Variants in POMT2 observed in about 807,000 individuals in gnomAD.
POMT2 encodes protein O-mannosyltransferase 2.
A neutral mutation model predicts 100.0 loss-of-function variants in POMT2; 75 were observed. The ratio of observed to expected loss-of-function variants is 0.75; its 90% confidence interval spans 0.62 to 0.91. POMT2 has a LOEUF of 0.91. POMT2 is among the 40% of genes least tolerant of loss of function. The probability of loss-of-function intolerance (pLI) is 0.00; values close to 1 mark genes in which losing one functional copy is unlikely to be tolerated. For synonymous variants in POMT2, 378 were observed against 374.1 expected (o/e 1.01, Z -0.12); for missense variants, 940 against 955.1 (o/e 0.98, Z 0.21).
At chr14:77,303,603 A>G (rs1026337243) in intron 4 of POMT2, among the ~76,000 whole-genome samples, 2 of 152,104 alleles carry the variant, frequency 1.3e-5, no homozygotes, top group African/African-American at 4.8e-5. Flanking sequence ...CCAGAACTAC[A>G]GTACATGCAC....
At chr14:77,293,751 C>T (rs1190013287) in intron 9 of POMT2, among the ~76,000 whole-genome samples, 1 of 152,190 alleles carries the variant, frequency 6.6e-6, no homozygotes. Context: ...ATGCACTTTC[C>T]CTATACCACC....
chr14:77,304,932 G>A (rs1891173285), intron 3 of POMT2, 132 bp from the exon 4 acceptor site: 4 of 1,446,422 alleles, frequency 2.8e-6, no homozygotes, highest in Non-Finnish European at 3.8e-6. Flanking sequence ...AAGTCACCTA[G>A]GATATCTATA....
intron 15 of POMT2, 124 bp from the exon 16 acceptor site, chr14:77,280,587 C>T: frequency 6.5e-7 from 1 of 1,549,946 alleles, no homozygotes; most frequent in Non-Finnish European, 8.7e-7. Flanking sequence ...CTTCCCTTCC[C>T]TTGCAGGGAA....
At chr14:77,313,407 A>C (rs573728292) in intron 1 of POMT2, among the ~76,000 whole-genome samples, 1 of 152,360 alleles carries the variant, frequency 6.6e-6, no homozygotes, top group South Asian at 2.1e-4. Flanking sequence ...GCAGAAAGAG[A>C]GATCCAGTCC....
chr14:77,319,249 G>A (rs527911828), intron 1 of POMT2, among the ~76,000 whole-genome samples: 14 of 152,280 alleles, frequency 9.2e-5, no homozygotes, highest in African/African-American at 3.4e-4. Context: ...ACCCTGGAGG[G>A]CATGGTTGAG....
At position 77,320,761 on chromosome 14, in the gene POMT2, G is replaced by A. The variant is rs1891866389; in HGVS notation, c.-80C>T. 2.6e-6 allele frequency: 4 copies of A among 1,530,026 alleles called. No homozygotes were observed. The East Asian group carries it at 7.1e-5, about 27-fold the overall frequency. 94.8% of individuals were successfully genotyped at this position (1,530,026 alleles called of 1,614,324 possible). On this transcript the variant is annotated 5_prime_UTR_variant, in exon 1 of 21. Coordinates refer to ENST00000261534, the MANE Select transcript of POMT2 (RefSeq NM_013382.7). ...CCGCCCCGCCAAGGAGTCACAAGAG[G>A]GCAGCTCGGGGTACCCCGGGAAATG...
chr14:77,308,852 G>T (rs553382042), intron 2 of POMT2: 20 of 425,992 alleles, frequency 4.7e-5, no homozygotes, highest in Non-Finnish European at 8.9e-5. Context: ...ATATACCTGC[G>T]CAACTATACA....
At chr14:77,312,124 T>C (rs963837242) in intron 1 of POMT2, 91 bp from the exon 2 acceptor site, 3 of 1,528,748 alleles carry the variant, frequency 2.0e-6, no homozygotes, top group South Asian at 2.5e-5. Flanking sequence ...TTAAAGGCTA[T>C]GCATTTCAAA....
chr14:77,306,627 C>T (rs1415009049), intron 2 of POMT2, 186 bp from the exon 3 acceptor site: 10 of 594,754 alleles, frequency 1.7e-5, no homozygotes, highest in African/African-American at 3.8e-5. Flanking sequence ...GTCTACAGAG[C>T]TCACTGCTTG....
chr14:77,311,986 CG>C lies in POMT2; in HGVS notation c.295del (p.Arg99ValfsTer15). On this transcript the variant is annotated frameshift_variant, in exon 2 of 21. Transcript: ENST00000261534. LOFTEE classifies it high-confidence loss of function. ...FGKMGSYYIN[R>X]TFFFDVHPPL... is the part of the protein sequence containing the mutation. ...CGGGTGCACATCAAAGAAAAATGTA[CG>C]GTTGATATAGTAACTTCCCATTTTT... 2 of 1,613,976 alleles carry C rather than the reference CG, an allele frequency of 1.2e-6. No homozygotes were observed. The highest frequency in any genetic ancestry group is 1.7e-6 in the Non-Finnish European group (2 of 1,179,932).
chr14:77,318,181 C>T (rs1891697129), intron 1 of POMT2, among the ~76,000 whole-genome samples: 1 of 152,160 alleles, frequency 6.6e-6, no homozygotes, highest in South Asian at 2.1e-4. Context: ...ACAATGTTCT[C>T]TTTGTCCCTA....
Position 77,320,677 on chromosome 14 carries a change from G to A in POMT2, c.5C>T (p.Pro2Leu), listed in dbSNP as rs1252468274. The A allele has an allele frequency of 6.3e-7, 1 of 1,593,258 alleles. No homozygotes were observed. The highest frequency in any genetic ancestry group is 8.5e-7 in the Non-Finnish European group (1 of 1,178,106). ...TGCCAGGCCTCCGCCCGTGGCCGGC[G>A]GCATCTTCCCCCTCCTCTGGGTCGC... M[P>L]PATGGGLAES... Residue 2 changes from proline (P) to leucine (L), a missense_variant, in exon 1 of 21, where the codon CCG becomes CTG. Transcript: ENST00000261534.
At chr14:77,287,864 C>A (rs1053118402) in intron 11 of POMT2, 2 of 152,074 alleles carry the variant, frequency 1.3e-5, no homozygotes, top group African/African-American at 4.8e-5. Context: ...TCTGAGATCA[C>A]CCAGGCAACA....
intron 6 of POMT2, 118 bp downstream of exon 6, chr14:77,300,972 C>T: frequency 1.2e-6 from 2 of 1,601,608 alleles, no homozygotes; most frequent in Non-Finnish European, 1.7e-6. Context: ...TCCAGCCCAC[C>T]TGGGACCCAG....
intron 9 of POMT2, among the ~76,000 whole-genome samples, chr14:77,295,308 G>A (rs886219672): frequency 1.3e-5 from 2 of 152,180 alleles, no homozygotes; most frequent in African/African-American, 4.8e-5. Context: ...CTTTGATGGA[G>A]AGAGGTACTA....
intron 9 of POMT2, among the ~76,000 whole-genome samples, chr14:77,292,488 G>A (rs1304033060): frequency 6.6e-6 from 1 of 152,132 alleles, no homozygotes; most frequent in Non-Finnish European, 1.5e-5. Flanking sequence ...TATGCGTTGG[G>A]GAGACAGAAT....
chr14:77,282,793 T>C (rs555418665), intron 15 of POMT2, among the ~76,000 whole-genome samples: 1 of 152,224 alleles, frequency 6.6e-6, no homozygotes, highest in Non-Finnish European at 1.5e-5. Flanking sequence ...ACTGCTTACA[T>C]AATCACTTCC....
intron 1 of POMT2, among the ~76,000 whole-genome samples, chr14:77,315,406 G>A (rs1181434320): frequency 2.6e-5 from 4 of 152,240 alleles, no homozygotes; most frequent in African/African-American, 9.6e-5. Flanking sequence ...AGCCCCTGAT[G>A]CAGGCCTTCT....
At chr14:77,313,687 T>TGTTTG (rs1566662824) in intron 1 of POMT2, among the ~76,000 whole-genome samples, 3 of 152,072 alleles carry the variant, frequency 2.0e-5, no homozygotes, top group African/African-American at 7.2e-5. Flanking sequence ...CCAGTTTTTT[T>TGTTTG]GTTTTGTTTT....
Sources: allele counts gnomAD v4.1 joint callset (sites outside exome capture counted in the v4.1 genomes callset), GRCh38; gene constraint gnomAD v4.1.1; transcripts MANE v1.5; gene names NCBI Gene and HGNC (gene_info 2026-07-23, HGNC 2026-07-21).